The following TMTC1 variants were observed in gnomAD, a reference collection of about 807,000 sequenced individuals.
The protein encoded by TMTC1 is protein O-mannosyl-transferase TMTC1.
A neutral mutation model predicts 104.8 loss-of-function variants in TMTC1; 73 were observed. The ratio of observed to expected loss-of-function variants is 0.70; its 90% CI spans 0.58 to 0.85. The LOEUF (loss-of-function observed/expected upper bound fraction) is 0.85. TMTC1 is among the 40% of genes least tolerant of loss of function. The pLI, the probability that TMTC1 is intolerant of heterozygous loss-of-function variation, is 0.00. For synonymous variants in TMTC1, 434 were observed against 428.7 expected, an observed-to-expected ratio of 1.01 and a Z score of -0.15; for missense variants, 1,035 against 1,096.1, an observed-to-expected ratio of 0.94 and a Z score of 0.79.
At chr12:29,754,359 C>A (rs535460110) in intron 4 of TMTC1, among the ~76,000 whole-genome samples, 1 of 152,218 alleles carries the variant, frequency 6.6e-6, no homozygotes, top group South Asian at 2.1e-4. Context: ...GAGGTGTAGG[C>A]ACCAGTGGGC....
Position 29,518,491 on chromosome 12 carries a change from C to T in TMTC1, c.2005G>A (p.Ala669Thr), listed in dbSNP as rs757404268. 1 of 1,613,846 alleles carries T rather than the reference C, an allele frequency of 6.2e-7. No homozygotes were observed. The change falls in exon 13 of 18, where the codon GCT becomes ACT. Residue 669 changes from alanine (A) to threonine (T), a missense_variant. Physicochemically the swap from Ala to Thr is moderately conservative, Grantham distance 58 (BLOSUM62 0). Transcript: ENST00000539277. Reference protein sequence around the residue: ...LYRSLGENSMAEEWYKRALQV... With the variant: ...LYRSLGENSMTEEWYKRALQV... ...CTTTACCGCTTGTACCATTCTTCAG[C>T]CATGCTGTTCTCTCCCAGTGACCTG...
intron 5 of TMTC1, among the ~76,000 whole-genome samples, chr12:29,701,695 A>G (rs11050398): frequency 0.063 from 9,580 of 152,218 alleles, 508 homozygotes; most frequent in Admixed American, 0.17. Context: ...AAATGCTTTC[A>G]CTCCTTGTCA....
At chr12:29,756,032 T>C in intron 3 of TMTC1, 147 bp from the exon 4 acceptor site, 1 of 792,504 alleles carries the variant, frequency 1.3e-6, no homozygotes, top group East Asian at 2.7e-5. Flanking sequence ...AGAGCCTTCA[T>C]CCCCACAATA....
At chr12:29,784,106 G>T (rs1158007536), upstream of TMTC1, among the ~76,000 whole-genome samples, 1 of 150,988 alleles carries the variant, frequency 6.6e-6, no homozygotes, top group Non-Finnish European at 1.5e-5. Context: ...GGTGGACCGG[G>T]GTTCGCGGCG....
chr12:29,726,474 T>C (rs1942394717), intron 5 of TMTC1, among the ~76,000 whole-genome samples: 1 of 151,774 alleles, frequency 6.6e-6, no homozygotes, highest in African/African-American at 2.4e-5. Flanking sequence ...AAAGTCCTTT[T>C]CAATCTACGT....
At chr12:29,593,175 C>T (rs1169812890) in intron 7 of TMTC1, among the ~76,000 whole-genome samples, 9 of 152,188 alleles carry the variant, frequency 5.9e-5, no homozygotes, top group Admixed American at 5.9e-4. Context: ...GGGCACAGGA[C>T]AATCTCTCAT....
intron 5 of TMTC1, among the ~76,000 whole-genome samples, chr12:29,737,525 A>G (rs1412755469): frequency 6.6e-6 from 1 of 152,188 alleles, no homozygotes; most frequent in Non-Finnish European, 1.5e-5. Context: ...AAAAATAAAA[A>G]ATAAAAATAA....
intron 6 of TMTC1, among the ~76,000 whole-genome samples, chr12:29,624,114 G>T (rs1330295284): frequency 3.3e-5 from 5 of 151,822 alleles, no homozygotes; most frequent in Admixed American, 2.0e-4. Context: ...TGAGTATCTG[G>T]GATTACATGC....
intron 7 of TMTC1, among the ~76,000 whole-genome samples, chr12:29,584,845 G>A (rs1260797788): frequency 6.7e-6 from 1 of 150,348 alleles, no homozygotes. Flanking sequence ...ATCATTGTTG[G>A]ACATTTGGGT....
chr12:29,579,879 T>C (rs1945928415), intron 8 of TMTC1, among the ~76,000 whole-genome samples: 1 of 152,134 alleles, frequency 6.6e-6, no homozygotes, highest in South Asian at 2.1e-4. Flanking sequence ...CAATGTAAAA[T>C]ATAGGAATGG....
intron 5 of TMTC1, chr12:29,660,091 T>A: frequency 1.2e-6 from 1 of 819,492 alleles, no homozygotes; most frequent in Non-Finnish European, 1.9e-6. Flanking sequence ...CCCCTTCCCT[T>A]AAATCTGAGT....
At chr12:29,593,964 T>C (rs1490022524) in intron 7 of TMTC1, among the ~76,000 whole-genome samples, 2 of 152,174 alleles carry the variant, frequency 1.3e-5, no homozygotes, top group South Asian at 2.1e-4. Flanking sequence ...AAGGTGAACT[T>C]AAAAATCCAT....
At chr12:29,735,550 G>C (rs570287809) in intron 5 of TMTC1, among the ~76,000 whole-genome samples, 1 of 152,220 alleles carries the variant, frequency 6.6e-6, no homozygotes, top group African/African-American at 2.4e-5. Context: ...TTGGAATCCA[G>C]GATTATATAC....
intron 5 of TMTC1, among the ~76,000 whole-genome samples, chr12:29,747,467 G>A (rs1389261485): frequency 2.0e-5 from 3 of 152,092 alleles, no homozygotes; most frequent in African/African-American, 4.8e-5. Flanking sequence ...ATTTTTTCCT[G>A]GGCTTAGATT....
At chr12:29,692,818 GAAGA>G (rs1941302888) in intron 5 of TMTC1, among the ~76,000 whole-genome samples, 1 of 145,224 alleles carries the variant, frequency 6.9e-6, no homozygotes, top group Non-Finnish European at 1.5e-5. Context: ...AATAAAAATA[GAAGA>G]AAGTAGTAAT....
chr12:29,636,374 G>A (rs1424117322), intron 5 of TMTC1, among the ~76,000 whole-genome samples: 3 of 152,176 alleles, frequency 2.0e-5, no homozygotes. Context: ...TATGCAGAAT[G>A]TATTATTTAA....
intron 5 of TMTC1, among the ~76,000 whole-genome samples, chr12:29,701,926 C>G (rs533028819): frequency 5.3e-5 from 8 of 152,338 alleles, no homozygotes; most frequent in Admixed American, 1.3e-4. Context: ...TACCACTTCT[C>G]TAACTTGGTT....
At chr12:29,583,626 C>G (rs1402399528) in intron 7 of TMTC1, 52 bp from the exon 8 acceptor site, 3 of 1,517,266 alleles carry the variant, frequency 2.0e-6, no homozygotes, top group South Asian at 2.4e-5. Context: ...CAATAGCTTC[C>G]CCCCAGAATT....
At chr12:29,708,156 G>A (rs923757972) in intron 5 of TMTC1, among the ~76,000 whole-genome samples, 3 of 152,148 alleles carry the variant, frequency 2.0e-5, no homozygotes, top group Non-Finnish European at 2.9e-5. Context: ...ACACACAAAT[G>A]CATACAGAAA....
Sources: allele counts gnomAD v4.1 joint callset (sites outside exome capture counted in the v4.1 genomes callset), GRCh38; gene constraint gnomAD v4.1.1; transcripts MANE v1.5; gene names NCBI Gene and HGNC (gene_info 2026-07-23, HGNC 2026-07-21).